TSHZ2: variants seen among roughly 807,000 people sequenced by gnomAD.
The protein encoded by TSHZ2 is teashirt homolog 2.
A neutral mutation model predicts 74.4 loss-of-function variants in TSHZ2; 21 were observed. The ratio of observed to expected loss-of-function variants is 0.28; its 90% CI spans 0.20 to 0.41. The LOEUF is 0.41. TSHZ2 is among the 10% of genes least tolerant of loss of function. The pLI is 1.00. For missense variants in TSHZ2, 1,244 were observed against 1,293.5 expected (o/e 0.96, Z 0.59); for synonymous variants, 540 against 515.3 (o/e 1.05, Z -0.65).
At chr20:53,327,528 T>C (rs1440246567) in intron 2 of TSHZ2, among the ~76,000 whole-genome samples, 2 of 152,176 alleles carry the variant, frequency 1.3e-5, no homozygotes, top group Non-Finnish European at 2.9e-5. Context: ...GTCCAAAACC[T>C]ACAGTGCTTC....
At chr20:53,463,433 A>AGGAAGGAGGGAG (rs1482520789) in intron 2 of TSHZ2, among the ~76,000 whole-genome samples, 1 of 92,926 alleles carries the variant, frequency 1.1e-5, no homozygotes, top group African/African-American at 4.3e-5. Flanking sequence ...GAAGGAAGGA[A>AGGAAGGAGGGAG]GGAGGGAGGG....
At chr20:53,257,612 G>A (rs1227910862) in intron 2 of TSHZ2, among the ~76,000 whole-genome samples, 1 of 152,152 alleles carries the variant, frequency 6.6e-6, no homozygotes, top group Non-Finnish European at 1.5e-5. Flanking sequence ...TTGCCCATTT[G>A]TGTTTTCTCT....
rs867601119 is a variant in TSHZ2, at chr20:53,131,833, C to A, written c.41-121666C>A. 5.7e-3 allele frequency among the ~76,000 whole-genome samples: 366 copies of A among 64,094 alleles called. 10 individuals are homozygous for A. The highest frequency in any genetic ancestry group is 0.023 in the African/African-American group (326 of 14,100). 42.0% of individuals were successfully genotyped at this position (64,094 alleles called of 152,430 possible). A position where few individuals can be genotyped will look rare whatever the true frequency, so the allele number is the denominator to read the frequency against. ...CTTGAATGACAACCCCCCCCCCCCC[C>A]CAAAAAAAAAAAGCCACACTAGCAA... is the stretch of plus-strand genomic sequence containing the variant. On this transcript the variant is annotated intron_variant, in intron 1 of 2. Coordinates refer to ENST00000371497, the MANE Select transcript of TSHZ2 (RefSeq NM_173485.6).
chr20:53,021,676 C>A (rs181642043), intron 1 of TSHZ2, among the ~76,000 whole-genome samples: 93 of 152,274 alleles, frequency 6.1e-4, no homozygotes, highest in Non-Finnish European at 9.7e-4. Flanking sequence ...CCAGCAGGAA[C>A]TGATCATAAG....
At chr20:53,024,392 G>T (rs1983359928) in intron 1 of TSHZ2, among the ~76,000 whole-genome samples, 1 of 150,952 alleles carries the variant, frequency 6.6e-6, no homozygotes, top group African/African-American at 2.4e-5. Context: ...GTGATAACAG[G>T]ATACATAAAA....
intron 2 of TSHZ2, among the ~76,000 whole-genome samples, chr20:53,296,254 G>A (rs571101803): frequency 2.0e-5 from 3 of 152,166 alleles, no homozygotes; most frequent in South Asian, 4.1e-4. Flanking sequence ...TTTGCTCTGG[G>A]CTTCACAATG....
intron 2 of TSHZ2, among the ~76,000 whole-genome samples, chr20:53,334,302 T>C (rs186419060): frequency 8.7e-4 from 133 of 152,068 alleles, no homozygotes; most frequent in Admixed American, 3.4e-3. Context: ...CCCAGGATGG[T>C]TGGAGAGGGC....
chr20:53,232,123 C>T (rs1211910543), intron 1 of TSHZ2, among the ~76,000 whole-genome samples: 1 of 152,146 alleles, frequency 6.6e-6, no homozygotes, highest in Non-Finnish European at 1.5e-5. Flanking sequence ...TTCCTGGCCT[C>T]AAGCAATCCT....
intron 1 of TSHZ2, among the ~76,000 whole-genome samples, chr20:53,048,374 G>A (rs921104423): frequency 6.6e-6 from 1 of 152,000 alleles, no homozygotes; most frequent in African/African-American, 2.4e-5. Context: ...TCAAAATCAC[G>A]AATAATTGTT....
At chr20:53,431,890 T>C (rs1983860628) in intron 2 of TSHZ2, among the ~76,000 whole-genome samples, 1 of 152,228 alleles carries the variant, frequency 6.6e-6, no homozygotes, top group African/African-American at 2.4e-5. Context: ...TTAGCTGTTA[T>C]TCCCATGGTT....
At chr20:53,282,763 G>A (rs1389031719) in intron 2 of TSHZ2, among the ~76,000 whole-genome samples, 7 of 152,184 alleles carry the variant, frequency 4.6e-5, no homozygotes, top group East Asian at 3.8e-4. Flanking sequence ...AGCCAGTGGC[G>A]TCATGCAGTG....
chr20:53,063,180 G>A (rs2123171933), intron 1 of TSHZ2, among the ~76,000 whole-genome samples: 1 of 152,192 alleles, frequency 6.6e-6, no homozygotes. Flanking sequence ...GGAAAAAATG[G>A]TACTAATAAA....
chr20:53,282,534 G>A (rs965835062), intron 2 of TSHZ2, among the ~76,000 whole-genome samples: 1 of 152,182 alleles, frequency 6.6e-6, no homozygotes, highest in Non-Finnish European at 1.5e-5. Flanking sequence ...CGAGGTTCAG[G>A]TATAAGCCCC....
At chr20:53,060,501 C>T (rs957728809) in intron 1 of TSHZ2, among the ~76,000 whole-genome samples, 2 of 152,204 alleles carry the variant, frequency 1.3e-5, no homozygotes, top group Admixed American at 1.3e-4. Flanking sequence ...TGGTTTTCTA[C>T]ACGGTGCTAG....
chr20:53,430,066 A>G (rs1983785410), intron 2 of TSHZ2, among the ~76,000 whole-genome samples: 1 of 152,264 alleles, frequency 6.6e-6, no homozygotes, highest in African/African-American at 2.4e-5. Flanking sequence ...CTATATATCT[A>G]TGATTCTATA....
intron 1 of TSHZ2, among the ~76,000 whole-genome samples, chr20:53,143,201 C>T (rs149285486): frequency 6.6e-6 from 1 of 152,150 alleles, no homozygotes; most frequent in East Asian, 1.9e-4. Context: ...TCACAGACCC[C>T]GACAGGCTTC....
At chr20:53,262,343 C>T (rs1990620694) in intron 2 of TSHZ2, among the ~76,000 whole-genome samples, 1 of 152,074 alleles carries the variant, frequency 6.6e-6, no homozygotes, top group Admixed American at 6.6e-5. Flanking sequence ...CTCTCTAACG[C>T]ATTGACACTA....
intron 1 of TSHZ2, among the ~76,000 whole-genome samples, chr20:52,987,768 CA>C (rs1300709203): frequency 1.3e-5 from 2 of 152,052 alleles, no homozygotes; most frequent in Non-Finnish European, 2.9e-5. Context: ...GAAAGACAAG[CA>C]ATCCAGAAAA....
chr20:53,139,481 T>C (rs1206684156), intron 1 of TSHZ2, among the ~76,000 whole-genome samples: 2 of 152,350 alleles, frequency 1.3e-5, no homozygotes, highest in Admixed American at 6.5e-5. Flanking sequence ...GCGTTTACTC[T>C]GCCCTGCTGT....
Sources: allele counts gnomAD v4.1 joint callset (sites outside exome capture counted in the v4.1 genomes callset), GRCh38; gene constraint gnomAD v4.1.1; transcripts MANE v1.5; gene names NCBI Gene and HGNC (gene_info 2026-07-23, HGNC 2026-07-21).